The following RFX1 variants were observed in gnomAD, a reference collection of about 807,000 sequenced individuals.
RFX1 encodes the protein regulatory factor X1, also known as MHC class II regulatory factor RFX1.
RFX1 carries 42 observed loss-of-function variants against 119.6 expected under a neutral mutation model. The ratio of observed to expected loss-of-function variants is 0.35; its 90% CI spans 0.27 to 0.45. The LOEUF (loss-of-function observed/expected upper bound fraction) is 0.45, where lower values mean the gene tolerates loss of function less well. Ranked by LOEUF, RFX1 falls within the 20% of genes least tolerant of loss-of-function variation. The pLI, the probability that RFX1 is intolerant of heterozygous loss-of-function variation, is 1.00. For missense variants in RFX1, 1,118 were observed against 1,368.1 expected (o/e 0.82, Z 2.88); for synonymous variants, 628 against 618.5 (o/e 1.02, Z -0.23).
rs751322570 is a variant in RFX1, at chr19:13,978,078, C to A, written c.843G>T (p.Gln281His). Residue 281 changes from glutamine (Q) to histidine (H), a missense_variant, in exon 8 of 21, where the codon CAG (glutamine) becomes CAT (histidine). Around this residue, in one of 5 missense-constraint regions of RFX1, gnomAD observed 542 missense variants for 602.7 expected, o/e 0.90. Coordinates refer to ENST00000254325, the MANE Select transcript of RFX1 (RefSeq NM_002918.5). The part of the protein sequence containing the change: ...QPVHVAQEVQ[Q>H]LQQVPVPHVY... Reference sequence around the variant, plus strand: ...CGTGTGGGACGGGCACCTGCTGGAGCTGCTGCACCTGGGGCAGAGGAAGGG... The same window carrying A: ...CGTGTGGGACGGGCACCTGCTGGAGATGCTGCACCTGGGGCAGAGGAAGGG... The A allele has an allele frequency of 1.2e-5, 20 of 1,612,798 alleles. No individual in the cohort carries two copies. The highest frequency in any genetic ancestry group is 1.6e-5 in the Non-Finnish European group (19 of 1,179,482).
At chr19:13,972,282 C>CT (rs979906074) in intron 9 of RFX1, among the ~76,000 whole-genome samples, 2 of 151,830 alleles carry the variant, frequency 1.3e-5, no homozygotes, top group Non-Finnish European at 2.9e-5. Context: ...CTGCAACCAC[C>CT]TCCCAGGTTC....
chr19:13,970,317 C>G lies in RFX1; in HGVS notation c.1315-142G>C, dbSNP rs1035496179. The G allele has an allele frequency of 4.6e-6, 3 of 656,790 alleles. No homozygotes were observed. In the African/African-American group the frequency reaches 5.6e-5, roughly 12 times the overall value. 40.7% of individuals were successfully genotyped at this position (656,790 alleles called of 1,614,324 possible). Reference sequence around the variant, plus strand: ...TAAGTTAGCACATCCTACTGCCATCCTCTCCAAGAACTATGTCCCACAGAA... The same window carrying G: ...TAAGTTAGCACATCCTACTGCCATCGTCTCCAAGAACTATGTCCCACAGAA... On this transcript the variant is annotated intron_variant, in intron 9 of 20. Coordinates refer to ENST00000254325, the MANE Select transcript of RFX1 (RefSeq NM_002918.5).
chr19:13,965,590 G>A lies in RFX1; in HGVS notation c.2113+36C>T. On this transcript the variant is annotated intron_variant, in intron 15 of 20. Transcript: ENST00000254325. This position sits in a 1 kb window ranked among gnomAD's most constrained non-coding sequence, Gnocchi z 4.7. ...GTCGGTCAGGGCAGGGCGGGTGTAT[G>A]TGGGGCAGGGGATGCCGAGCAGGCC... The A allele has an allele frequency of 6.2e-7, 1 of 1,612,498 alleles. No individual in the cohort carries two copies. Among genetic ancestry groups the A allele is most frequent in the Non-Finnish European group, 8.5e-7 (1 of 1,179,454 alleles).
intron 5 of RFX1, among the ~76,000 whole-genome samples, chr19:13,981,761 G>T (rs778694779): frequency 6.6e-6 from 1 of 152,214 alleles, no homozygotes; most frequent in Non-Finnish European, 1.5e-5. Context: ...GTGGTCCAAG[G>T]CTTCCTGGAA....
chr19:13,979,107 G>C (rs1974349082), intron 7 of RFX1, among the ~76,000 whole-genome samples: 1 of 151,932 alleles, frequency 6.6e-6, no homozygotes, highest in Non-Finnish European at 1.5e-5. Flanking sequence ...ACACTGGGGG[G>C]TCAACGGGGG....
chr19:13,983,162 T>C (rs751448644), intron 4 of RFX1, 25 bp downstream of exon 4: 9 of 1,527,662 alleles, frequency 5.9e-6, no homozygotes, highest in Non-Finnish European at 7.1e-6. Flanking sequence ...CCTTCCAGGG[T>C]GGTGGCCAGG....
chr19:13,985,622 A>G lies in RFX1; in HGVS notation c.320-2027T>C, dbSNP rs1031045101. 2.6e-5 allele frequency among the ~76,000 whole-genome samples: 4 copies of G among 152,260 alleles called. No individual in the cohort carries two copies. The highest frequency in any genetic ancestry group is 9.6e-5 in the African/African-American group (4 of 41,472). Reference sequence around the variant, plus strand: ...TGGGCCCACACGAACCTCATACCACATATGGAACCGGAGTCACTGGTTCTG... The same window carrying G: ...TGGGCCCACACGAACCTCATACCACGTATGGAACCGGAGTCACTGGTTCTG... On this transcript the variant is annotated intron_variant, in intron 2 of 20. Coordinates refer to ENST00000254325, the MANE Select transcript of RFX1 (RefSeq NM_002918.5). The surrounding 1 kb of genome is among the most constrained non-coding windows in gnomAD (Gnocchi z 4.3).
At chr19:13,983,447 C>T in intron 3 of RFX1, 39 bp downstream of exon 3, 4 of 1,508,458 alleles carry the variant, frequency 2.7e-6, no homozygotes, top group Non-Finnish European at 2.7e-6. Context: ...TGCCCCCCTC[C>T]CGGGCCCTCC....
chr19:13,968,136 T>G lies in RFX1; in HGVS notation c.1732+429A>C, dbSNP rs527686456. ...AGGCATAGTGGCACGTGCCTGTAGTTCCAGCTACTCAGGAGGCTGAGGCAG... is the reference window on the plus strand; with the variant it reads ...AGGCATAGTGGCACGTGCCTGTAGTGCCAGCTACTCAGGAGGCTGAGGCAG... On this transcript the variant is annotated intron_variant, in intron 12 of 20. Transcript: ENST00000254325. This position sits in a 1 kb window ranked among gnomAD's most constrained non-coding sequence, Gnocchi z 5.5. 6.6e-6 allele frequency among the ~76,000 whole-genome samples: 1 copy of G among 152,000 alleles called. No homozygotes were observed. Among genetic ancestry groups the G allele is most frequent in the Admixed American group, 6.5e-5 (1 of 15,272 alleles).
At chr19:13,997,967 G>C (rs1308682063) in intron 1 of RFX1, among the ~76,000 whole-genome samples, 1 of 152,164 alleles carries the variant, frequency 6.6e-6, no homozygotes, top group East Asian at 1.9e-4. Flanking sequence ...CAGCATTAGA[G>C]GGGTGGAGGT....
At chr19:13,972,669 G>A (rs1043779049) in intron 9 of RFX1, 74 bp downstream of exon 9, 58 of 1,223,840 alleles carry the variant, frequency 4.7e-5, no homozygotes, top group African/African-American at 3.9e-4. Flanking sequence ...GGTAACCACC[G>A]TCATGGACTG....
At position 13,993,709 on chromosome 19, in the gene RFX1, G is replaced by A. The variant is rs116292629; in HGVS notation, c.135C>T (p.Thr45=). The A allele has an allele frequency of 2.3e-3, 3,709 of 1,580,638 alleles. 94 individuals are homozygous for A. In the African/African-American group the frequency reaches 0.045, roughly 19 times the overall value. The part of the protein sequence containing the change: ...PAAPQPPQPP[T]AAATPQPQYV... ...ATTGGGGCTGAGGGGTGGCAGCAGC[G>A]GTGGGTGGCTGCGGGGGCTGGGGTG... is the stretch of plus-strand genomic sequence containing the variant. Residue 45 remains threonine (T), a synonymous_variant, in exon 2 of 21, where the codon ACC becomes ACT. Coordinates refer to ENST00000254325, the MANE Select transcript of RFX1 (RefSeq NM_002918.5).
intron 2 of RFX1, among the ~76,000 whole-genome samples, chr19:13,992,415 G>A (rs1974836683): frequency 6.6e-6 from 1 of 152,232 alleles, no homozygotes. Context: ...TTTACTGTGG[G>A]AAATGCTCAG....
intron 8 of RFX1, 151 bp from the exon 9 acceptor site, chr19:13,973,278 C>T (rs985887137): frequency 4.0e-5 from 26 of 645,326 alleles, no homozygotes; most frequent in Middle Eastern, 4.0e-4. Flanking sequence ...TCATCTACAA[C>T]GGACTGGGTA....
chr19:13,962,954 C>G, intron 20 of RFX1, 40 bp downstream of exon 20: 1 of 1,548,640 alleles, frequency 6.5e-7, no homozygotes, highest in Non-Finnish European at 8.7e-7. Flanking sequence ...GTCCGCCACC[C>G]CCGGGACCCG....
In RFX1 at chr19:13,980,815, C is replaced by T. The variant is rs1974406304; in HGVS notation, c.622-126G>A. ...GGCGGCAGTCTGTGGGGACCTATCC[C>T]AACCACCGAGGCTGGTAACTGACCG... On this transcript the variant is annotated intron_variant, in intron 5 of 20. Coordinates refer to ENST00000254325, the MANE Select transcript of RFX1 (RefSeq NM_002918.5). This position sits in a 1 kb window ranked among gnomAD's most constrained non-coding sequence, Gnocchi z 5.1. 1.7e-6 allele frequency: 1 copy of T among 590,562 alleles called. No individual in the cohort carries two copies. The highest frequency in any genetic ancestry group is 1.9e-5 in the African/African-American group (1 of 53,220). The allele number at this position is 590,562 out of a possible 1,614,324, so 36.6% of individuals were successfully genotyped here. A position where few individuals can be genotyped will look rare whatever the true frequency, so the allele number is the denominator to read the frequency against.
chr19:13,963,375 G>A, intron 18 of RFX1, 100 bp from the exon 19 acceptor site: 3 of 1,464,852 alleles, frequency 2.0e-6, no homozygotes, highest in Non-Finnish European at 2.7e-6. Context: ...CCAGCCCAGT[G>A]ACTCAGGCTG....
At chr19:13,998,976 T>A (rs1000423736) in intron 1 of RFX1, among the ~76,000 whole-genome samples, 1 of 152,210 alleles carries the variant, frequency 6.6e-6, no homozygotes, top group African/African-American at 2.4e-5. Context: ...AAGGCTGAGC[T>A]CAAAAGGAGG....
In RFX1 at chr19:13,985,062, A is replaced by G. The variant is rs950572485; in HGVS notation, c.320-1467T>C. Among the ~76,000 whole-genome samples the G allele has an allele frequency of 4.6e-5, 7 of 152,084 alleles. No homozygotes were observed. The East Asian group carries it at 1.2e-3, about 25-fold the overall frequency. Reference sequence around the variant, plus strand: ...TTTTAATAGGGACTGGGGTCTTGCTATATTGCCCAGGCTGGTCTCGAACTC... The same window carrying G: ...TTTTAATAGGGACTGGGGTCTTGCTGTATTGCCCAGGCTGGTCTCGAACTC... On this transcript the variant is annotated intron_variant, in intron 2 of 20. Transcript: ENST00000254325. The surrounding 1 kb of genome is among the most constrained non-coding windows in gnomAD (Gnocchi z 4.3).
Sources: gnomAD v4.1 joint callset for allele counts (sites outside exome capture counted in the v4.1 genomes callset) on GRCh38, gnomAD v4.1.1 for gene constraint, gnomAD v4.1.1 regional missense constraint, Gnocchi (gnomAD v3.1) non-coding constraint, MANE v1.5 for transcripts, NCBI Gene and HGNC (gene_info 2026-07-23, HGNC 2026-07-21) for gene names.